Variants in BNC2 observed in about 807,000 individuals in gnomAD.
BNC2 encodes zinc finger protein basonuclin-2.
In BNC2, 20 loss-of-function variants were observed where a neutral mutation model predicts 76.3. That is an observed-to-expected ratio of 0.26 (90% CI 0.18 to 0.38). BNC2 has a LOEUF of 0.38. Ranked by LOEUF, BNC2 falls within the 10% of genes least tolerant of loss-of-function variation. BNC2 has a pLI of 1.00. For synonymous variants in BNC2, 582 were observed against 514.8 expected, an observed-to-expected ratio of 1.13 and a Z score of -1.77; for missense variants, 1,382 against 1,399.8, an observed-to-expected ratio of 0.99 and a Z score of 0.20.
chr9:16,548,665 A>C (rs1261865148), intron 5 of BNC2, among the ~76,000 whole-genome samples: 1 of 152,186 alleles, frequency 6.6e-6, no homozygotes, highest in African/African-American at 2.4e-5. Context: ...TTGGCCTCCG[A>C]AAGTGCTGGG....
At chr9:16,694,528 A>G (rs1393859867) in intron 3 of BNC2, among the ~76,000 whole-genome samples, 1 of 152,164 alleles carries the variant, frequency 6.6e-6, no homozygotes, top group African/African-American at 2.4e-5. Flanking sequence ...GCCTGAAGGA[A>G]GGCCACAGAT....
chr9:16,703,029 T>G (rs370913983), intron 3 of BNC2, among the ~76,000 whole-genome samples: 3 of 152,202 alleles, frequency 2.0e-5, no homozygotes, highest in Admixed American at 6.5e-5. Context: ...AAAATTTTAC[T>G]TTTATGCGGA....
At chr9:16,767,116 C>T (rs1825716358) in intron 1 of BNC2, among the ~76,000 whole-genome samples, 1 of 152,162 alleles carries the variant, frequency 6.6e-6, no homozygotes, top group African/African-American at 2.4e-5. Flanking sequence ...CTAGGAAGAT[C>T]GTAAGAGTGA....
At chr9:16,616,984 G>A (rs1181783912) in intron 3 of BNC2, among the ~76,000 whole-genome samples, 1 of 152,110 alleles carries the variant, frequency 6.6e-6, no homozygotes, top group Non-Finnish European at 1.5e-5. Flanking sequence ...AAAAAAAATA[G>A]TTGCCACAGA....
intron 3 of BNC2, among the ~76,000 whole-genome samples, chr9:16,636,032 T>G (rs992381154): frequency 1.3e-5 from 2 of 152,104 alleles, no homozygotes; most frequent in Admixed American, 1.3e-4. Flanking sequence ...AACTTAAGAT[T>G]GAAAAAGACT....
At chr9:16,601,571 A>T (rs1411610572) in intron 3 of BNC2, among the ~76,000 whole-genome samples, 1 of 152,194 alleles carries the variant, frequency 6.6e-6, no homozygotes, top group East Asian at 1.9e-4. Flanking sequence ...GAGGGAGCTG[A>T]GTCCAAGCCA....
At chr9:16,632,605 A>C (rs551727887) in intron 3 of BNC2, among the ~76,000 whole-genome samples, 1 of 152,248 alleles carries the variant, frequency 6.6e-6, no homozygotes, top group Non-Finnish European at 1.5e-5. Flanking sequence ...TCTTGATAAA[A>C]TAACAGATGT....
At chr9:16,472,487 T>A (rs1223273933) in intron 5 of BNC2, among the ~76,000 whole-genome samples, 1 of 152,238 alleles carries the variant, frequency 6.6e-6, no homozygotes, top group Admixed American at 6.5e-5. Context: ...CTCTACAGGC[T>A]GTGCACTCTT....
At chr9:16,777,082 C>T (rs1168532796) in intron 1 of BNC2, among the ~76,000 whole-genome samples, 3 of 151,754 alleles carry the variant, frequency 2.0e-5, no homozygotes, top group South Asian at 2.1e-4. Flanking sequence ...GCCGAGATGG[C>T]GCCACTACAC....
intron 5 of BNC2, among the ~76,000 whole-genome samples, chr9:16,468,305 A>G (rs1821739051): frequency 6.6e-6 from 1 of 152,132 alleles, no homozygotes; most frequent in South Asian, 2.1e-4. Flanking sequence ...TTTCGCTACT[A>G]GAGTTACAAT....
At chr9:16,652,541 C>A (rs992314316) in intron 3 of BNC2, among the ~76,000 whole-genome samples, 2 of 152,068 alleles carry the variant, frequency 1.3e-5, no homozygotes, top group African/African-American at 2.4e-5. Context: ...GTGAATTATA[C>A]AAATGTAATA....
rs564671971 is a variant in BNC2, at chr9:16,565,300, T to C, written c.434-12535A>G. ...CCTGGGTCAGAAGACCTTGGACAGA[T>C]TGATTTACTTTCCAGTCTAGTAACT... On this transcript the variant is annotated intron_variant, in intron 4 of 6. Transcript: ENST00000380672. Among the ~76,000 whole-genome samples, 71 of 152,304 alleles carry C rather than the reference T, an allele frequency of 4.7e-4. 1 individual carries two copies. Among genetic ancestry groups the C allele is most frequent in the African/African-American group, 1.3e-3 (54 of 41,582 alleles).
chr9:16,430,836 G>A (rs1244065946), intron 6 of BNC2, among the ~76,000 whole-genome samples: 2 of 152,220 alleles, frequency 1.3e-5, no homozygotes, highest in Admixed American at 1.3e-4. Flanking sequence ...TCCACATTTA[G>A]ATGTGGACTG....
intron 5 of BNC2, among the ~76,000 whole-genome samples, chr9:16,477,452 TTAGACAA>T (rs1022622501): frequency 1.4e-3 from 209 of 152,312 alleles, no homozygotes; most frequent in African/African-American, 4.9e-3. Flanking sequence ...GCTGTCTCAC[TTAGACAA>T]TCATTTATTA....
intron 5 of BNC2, among the ~76,000 whole-genome samples, chr9:16,478,939 G>C (rs534076276): frequency 6.6e-6 from 1 of 152,056 alleles, no homozygotes; most frequent in Non-Finnish European, 1.5e-5. Context: ...AAAACCAAGA[G>C]GACTCCAAAA....
intron 1 of BNC2, among the ~76,000 whole-genome samples, chr9:16,785,561 T>A: frequency 1.2e-4 from 1 of 8,572 alleles, no homozygotes; most frequent in East Asian, 1.6e-3. Flanking sequence ...CACCCGGCTT[T>A]TTTTTTTTTT....
chr9:16,464,094 C>CAAAAAAA (rs1324549679), intron 5 of BNC2, among the ~76,000 whole-genome samples: 17 of 34,396 alleles, frequency 4.9e-4, no homozygotes, highest in Non-Finnish European at 6.6e-4. Flanking sequence ...ACCCTGTCTC[C>CAAAAAAA]AAAAAAAAAA....
chr9:16,502,965 A>G (rs1026366347), intron 5 of BNC2, among the ~76,000 whole-genome samples: 2 of 152,118 alleles, frequency 1.3e-5, no homozygotes, highest in African/African-American at 4.8e-5. Flanking sequence ...GATTTATGGG[A>G]TTGTAACTCA....
intron 2 of BNC2, among the ~76,000 whole-genome samples, chr9:16,734,258 C>T (rs946337813): frequency 2.6e-5 from 4 of 152,244 alleles, no homozygotes; most frequent in African/African-American, 9.6e-5. Flanking sequence ...ATACACCTAT[C>T]TGCTTCTGTA....
Sources: allele counts gnomAD v4.1 joint callset (sites outside exome capture counted in the v4.1 genomes callset), GRCh38; gene constraint gnomAD v4.1.1; transcripts MANE v1.5; gene names NCBI Gene and HGNC (gene_info 2026-07-23, HGNC 2026-07-21).